The following SUSD6 variants were observed in gnomAD, a reference collection of about 807,000 sequenced individuals.
SUSD6 encodes sushi domain containing 6.
Under a neutral mutation model 28.4 loss-of-function variants are expected in SUSD6, and 16 were observed. That is an observed-to-expected ratio of 0.56 (90% CI 0.38 to 0.86). The LOEUF (loss-of-function observed/expected upper bound fraction) is 0.86, where lower values mean the gene tolerates loss of function less well. SUSD6 is among the 40% of genes least tolerant of loss of function. SUSD6 has a pLI of 0.00. For missense variants in SUSD6, 341 were observed against 384.2 expected (o/e 0.89, Z 0.94); for synonymous variants, 147 against 159.6 (o/e 0.92, Z 0.59).
chr14:69,619,511 A>G (rs988399810), intron 1 of SUSD6, among the ~76,000 whole-genome samples: 1 of 151,998 alleles, frequency 6.6e-6, no homozygotes, highest in Non-Finnish European at 1.5e-5. Flanking sequence ...CTGTAATCCC[A>G]GCACTTTGGG....
chr14:69,633,395 GCCTCTCTTCCCGACCTTAC>G (rs1482668483), intron 1 of SUSD6, among the ~76,000 whole-genome samples: 1 of 152,158 alleles, frequency 6.6e-6, no homozygotes, highest in Non-Finnish European at 1.5e-5. Flanking sequence ...CTGATCCTTG[GCCTCTCTTCCCGACCTTAC>G]CCTGCCACCC....
chr14:69,712,404 C>T lies in SUSD6; in HGVS notation c.*1425C>T, dbSNP rs1276722162. ...TGAATGCTAACTAGGCTGGGGTGGA[C>T]GAACTCTGCCAACTGCTGTCATCTT... On this transcript the variant is annotated 3_prime_UTR_variant, in exon 6 of 6. Coordinates refer to ENST00000342745, the MANE Select transcript of SUSD6 (RefSeq NM_014734.4). The T allele has an allele frequency of 1.3e-5, 2 of 152,214 alleles. No homozygotes were observed. The highest frequency in any genetic ancestry group is 2.4e-5 in the African/African-American group (1 of 41,430). The allele number at this position is 152,214 out of a possible 1,614,324, so 9.4% of individuals were successfully genotyped here.
chr14:69,697,416 G>A (rs1188496868), intron 2 of SUSD6, among the ~76,000 whole-genome samples: 1 of 152,068 alleles, frequency 6.6e-6, no homozygotes, highest in African/African-American at 2.4e-5. Context: ...TATTCAAGAT[G>A]GAGTCGCTGT....
chr14:69,660,321 C>T (rs1362075947), intron 2 of SUSD6, among the ~76,000 whole-genome samples: 1 of 152,166 alleles, frequency 6.6e-6, no homozygotes, highest in Admixed American at 6.5e-5. Context: ...TTGTAGCCTT[C>T]TCCACTACCA....
Position 69,703,401 on chromosome 14 carries a change from C to G in SUSD6, c.128C>G (p.Pro43Arg), listed in dbSNP as rs771422730. Residue 43 changes from proline (P) to arginine (R), a missense_variant, in exon 3 of 6, where the codon CCC (proline) becomes CGC (arginine). By Grantham distance (103) the Pro-to-Arg change is moderately radical. Transcript: ENST00000342745. ...LLGDGLASVC[P>R]LPPEPENGGY... Reference sequence around the variant, plus strand: ...TCTCTCCCTGTCTTTGCAGTGTGCCCCCTACCACCGGAGCCAGAGAATGGT... The same window carrying G: ...TCTCTCCCTGTCTTTGCAGTGTGCCGCCTACCACCGGAGCCAGAGAATGGT... 1.2e-6 allele frequency: 2 copies of G among 1,613,336 alleles called. No individual in the cohort carries two copies. The highest frequency in any genetic ancestry group is 2.7e-5 in the African/African-American group (2 of 74,900).
At chr14:69,699,964 G>C (rs998047124) in intron 2 of SUSD6, among the ~76,000 whole-genome samples, 2 of 152,166 alleles carry the variant, frequency 1.3e-5, no homozygotes, top group African/African-American at 4.8e-5. Context: ...TGAAATAGCT[G>C]GCCGTCCCAC....
chr14:69,655,426 A>G (rs1047920670), intron 1 of SUSD6, among the ~76,000 whole-genome samples: 2 of 152,178 alleles, frequency 1.3e-5, no homozygotes, highest in African/African-American at 4.8e-5. Context: ...CACATTCTAG[A>G]ACTGATAAGT....
chr14:69,708,848 C>T lies in SUSD6; in HGVS notation c.630C>T (p.Ser210=), dbSNP rs770132194. The T allele has an allele frequency of 8.1e-6, 13 of 1,614,098 alleles. No individual in the cohort carries two copies. In the East Asian group the frequency reaches 8.9e-5, roughly 11 times the overall value. ...AAGGGTCTGGGCCCAGTGGGAGGAG[C>T]GTGCCAAGGGAGCAACAGCTGCCGG... is the stretch of plus-strand genomic sequence containing the variant. ...LSEGSGPSGR[S]VPREQQLPDQ... The change falls in exon 5 of 6, where the codon AGC becomes AGT. Residue 210 remains serine, a synonymous_variant. Coordinates refer to ENST00000342745, the MANE Select transcript of SUSD6 (RefSeq NM_014734.4).
At chr14:69,632,126 A>G (rs1035175406) in intron 1 of SUSD6, among the ~76,000 whole-genome samples, 3 of 152,226 alleles carry the variant, frequency 2.0e-5, no homozygotes, top group African/African-American at 7.2e-5. Flanking sequence ...AAAAGTTTTA[A>G]GACATGACAA....
intron 2 of SUSD6, among the ~76,000 whole-genome samples, chr14:69,700,484 C>G (rs551625978): frequency 1.1e-3 from 171 of 152,316 alleles, no homozygotes; most frequent in African/African-American, 3.7e-3. Context: ...AGGTCCTCTA[C>G]AAGATGGTTT....
intron 2 of SUSD6, among the ~76,000 whole-genome samples, chr14:69,699,989 A>G (rs10220277): frequency 6.6e-6 from 1 of 152,096 alleles, no homozygotes; most frequent in Non-Finnish European, 1.5e-5. Flanking sequence ...ATCTTTTATT[A>G]TGCAGATGGG....
chr14:69,635,705 C>A (rs1885256288), intron 1 of SUSD6, among the ~76,000 whole-genome samples: 1 of 151,926 alleles, frequency 6.6e-6, no homozygotes, highest in African/African-American at 2.4e-5. Flanking sequence ...CACAGGGTTC[C>A]CATTATAACC....
intron 1 of SUSD6, among the ~76,000 whole-genome samples, chr14:69,654,198 T>C (rs1885544959): frequency 6.6e-6 from 1 of 152,188 alleles, no homozygotes; most frequent in Non-Finnish European, 1.5e-5. Context: ...AACTCATACA[T>C]GTACATCTTG....
chr14:69,627,269 T>G (rs960536862), intron 1 of SUSD6, among the ~76,000 whole-genome samples: 1 of 152,028 alleles, frequency 6.6e-6, no homozygotes, highest in African/African-American at 2.4e-5. Context: ...TTGGAGGAGG[T>G]GTTTAGAAAA....
chr14:69,637,626 T>TGTTGCC (rs1268946768), intron 1 of SUSD6, among the ~76,000 whole-genome samples: 1 of 152,138 alleles, frequency 6.6e-6, no homozygotes, highest in African/African-American at 2.4e-5. Context: ...CATTGGGTGA[T>TGTTGCC]GTTGCCATCC....
In SUSD6 at chr14:69,714,606, T is replaced by A. The variant is rs1886519835; in HGVS notation, c.*3627T>A. The A allele has an allele frequency of 6.6e-6, 1 of 152,256 alleles. No homozygotes were observed. Among genetic ancestry groups the A allele is most frequent in the Non-Finnish European group, 1.5e-5 (1 of 68,074 alleles). 9.4% of individuals were successfully genotyped at this position (152,256 alleles called of 1,614,324 possible). On this transcript the variant is annotated 3_prime_UTR_variant, in exon 6 of 6. Transcript: ENST00000342745. ...CCCCAAGGTGGGACTTGGAGAATAT[T>A]TTGCTTGGCATATGTTTGGTCTGAA...
intron 1 of SUSD6, among the ~76,000 whole-genome samples, chr14:69,618,681 C>G (rs867909150): frequency 6.6e-6 from 1 of 151,762 alleles, no homozygotes; most frequent in Non-Finnish European, 1.5e-5. Flanking sequence ...AAGTTCCCTC[C>G]TGTGTGTGTG....
intron 2 of SUSD6, among the ~76,000 whole-genome samples, chr14:69,686,454 TGA>T (rs1368470580): frequency 1.3e-5 from 2 of 152,208 alleles, no homozygotes; most frequent in African/African-American, 4.8e-5. Flanking sequence ...TTTGTAAGTG[TGA>T]AAGGCCCTTC....
In SUSD6 at chr14:69,684,682, A is replaced by C. The variant is rs114605908; in HGVS notation, c.122-18713A>C. 8.5e-3 allele frequency among the ~76,000 whole-genome samples: 1,289 copies of C among 152,348 alleles called. 13 individuals carry two copies. The highest frequency in any genetic ancestry group is 0.029 in the African/African-American group (1,225 of 41,584). On this transcript the variant is annotated intron_variant, in intron 2 of 5. Transcript: ENST00000342745. ...GAAACATCGTGTCTGTAGCCCCGTG[A>C]ATGAGCAGTTCCTCTTTGGGGGTCA...
Sources: allele counts gnomAD v4.1 joint callset (sites outside exome capture counted in the v4.1 genomes callset), GRCh38; gene constraint gnomAD v4.1.1; transcripts MANE v1.5; gene names NCBI Gene and HGNC (gene_info 2026-07-23, HGNC 2026-07-21).